MAP2K6: variants seen among roughly 807,000 people sequenced by gnomAD.
MAP2K6 encodes dual specificity mitogen-activated protein kinase kinase 6.
Under a neutral mutation model 53.7 loss-of-function variants are expected in MAP2K6, and 16 were observed. The ratio of observed to expected loss-of-function variants is 0.30; its 90% CI spans 0.20 to 0.45. MAP2K6 has a LOEUF of 0.45. Ranked by LOEUF, MAP2K6 falls within the 20% of genes least tolerant of loss-of-function variation. MAP2K6 has a pLI of 1.00. For synonymous variants in MAP2K6, 132 were observed against 143.1 expected (o/e 0.92, Z 0.55); for missense variants, 204 against 411.9 (o/e 0.50, Z 4.37).
At position 69,549,454 on chromosome 17, in the gene MAP2K6, A is replaced by G. The variant is rs17223089; in HGVS notation, c.*7701A>G. 32,406 of 152,084 alleles carry G rather than the reference A, an allele frequency of 0.21. 4,144 individuals are homozygous for G. The highest frequency in any genetic ancestry group is 0.36 in the African/African-American group (14,774 of 41,422). 9.4% of individuals were successfully genotyped at this position (152,084 alleles called of 1,614,324 possible). ...AAAGTCTTTTCTGTTTTCCTTTGCT[A>G]CAATTTGCTTGTTATTTCTCTGCCG... is the stretch of plus-strand genomic sequence containing the variant. On this transcript the variant is annotated 3_prime_UTR_variant, in exon 12 of 12. Coordinates refer to ENST00000590474, the MANE Select transcript of MAP2K6 (RefSeq NM_002758.4).
intron 1 of MAP2K6, among the ~76,000 whole-genome samples, chr17:69,432,585 T>C (rs1432614805): frequency 2.8e-5 from 4 of 143,138 alleles, no homozygotes; most frequent in Non-Finnish European, 6.0e-5. Context: ...TTCTCACTTA[T>C]AAGTGGGAGC....
chr17:69,491,319 T>C (rs962112496), intron 1 of MAP2K6, among the ~76,000 whole-genome samples: 3 of 152,126 alleles, frequency 2.0e-5, no homozygotes, highest in African/African-American at 7.2e-5. Flanking sequence ...AATTTTTGTA[T>C]TTTTAGTAGA....
At chr17:69,501,594 T>C (rs1909177404) in intron 1 of MAP2K6, 2 of 152,210 alleles carry the variant, frequency 1.3e-5, no homozygotes, top group East Asian at 3.8e-4. Context: ...TGCAAATATA[T>C]GTGTGTGGTG....
chr17:69,518,335 C>T (rs1028721559), intron 4 of MAP2K6, among the ~76,000 whole-genome samples: 2 of 152,088 alleles, frequency 1.3e-5, no homozygotes, highest in African/African-American at 2.4e-5. Context: ...TGAAAGTTTA[C>T]GTATTGCATT....
intron 1 of MAP2K6, among the ~76,000 whole-genome samples, chr17:69,481,517 A>G (rs1025924063): frequency 6.6e-6 from 1 of 152,202 alleles, no homozygotes; most frequent in Non-Finnish European, 1.5e-5. Flanking sequence ...TAGGGCTGTC[A>G]TAACAGAGTC....
At chr17:69,478,194 C>T (rs1490091233) in intron 1 of MAP2K6, among the ~76,000 whole-genome samples, 1 of 152,214 alleles carries the variant, frequency 6.6e-6, no homozygotes, top group Admixed American at 6.5e-5. Flanking sequence ...ACTTGGTAGG[C>T]AGCCTAGAAG....
chr17:69,433,998 A>G (rs1906558598), intron 1 of MAP2K6: 2 of 152,220 alleles, frequency 1.3e-5, no homozygotes, highest in Admixed American at 1.3e-4. Flanking sequence ...GGTTTCTTCC[A>G]GCAGCTAGAT....
chr17:69,537,111 ACT>A (rs1455962358), intron 11 of MAP2K6, among the ~76,000 whole-genome samples: 1 of 140,446 alleles, frequency 7.1e-6, no homozygotes, highest in Middle Eastern at 3.7e-3. Context: ...AACAAACAAA[ACT>A]CTGGTAACTA....
At chr17:69,522,574 A>G (rs1259527036) in intron 7 of MAP2K6, among the ~76,000 whole-genome samples, 1 of 152,196 alleles carries the variant, frequency 6.6e-6, no homozygotes, top group East Asian at 1.9e-4. Flanking sequence ...ATCCAGAGAT[A>G]ATCGTAGTTC....
intron 1 of MAP2K6, among the ~76,000 whole-genome samples, chr17:69,488,295 A>G (rs1040836027): frequency 6.6e-6 from 1 of 152,196 alleles, no homozygotes; most frequent in Admixed American, 6.5e-5. Context: ...GGCTGTAGAG[A>G]AGAAGAAATG....
At chr17:69,485,715 C>T (rs1264813050) in intron 1 of MAP2K6, among the ~76,000 whole-genome samples, 1 of 152,126 alleles carries the variant, frequency 6.6e-6, no homozygotes, top group Non-Finnish European at 1.5e-5. Flanking sequence ...TCCTTCACTC[C>T]TGTCTCTGAG....
chr17:69,520,493 C>A, intron 6 of MAP2K6, 107 bp downstream of exon 6: 1 of 688,344 alleles, frequency 1.5e-6, no homozygotes, highest in South Asian at 1.8e-5. Flanking sequence ...AGCTACTATT[C>A]GTACATGTCT....
intron 8 of MAP2K6, among the ~76,000 whole-genome samples, 187 bp from the exon 9 acceptor site, chr17:69,524,714 A>G (rs1910669956): frequency 6.6e-6 from 1 of 152,208 alleles, no homozygotes; most frequent in Non-Finnish European, 1.5e-5. Flanking sequence ...AACACAGAAG[A>G]AGGGAAACCC....
intron 2 of MAP2K6, among the ~76,000 whole-genome samples, chr17:69,512,857 G>A (rs563980830): frequency 1.3e-5 from 2 of 152,266 alleles, no homozygotes; most frequent in East Asian, 3.9e-4. Context: ...TCAATGAATA[G>A]TGATTGCGAT....
At chr17:69,418,830 C>T (rs1213979359) in intron 1 of MAP2K6, among the ~76,000 whole-genome samples, 1 of 151,952 alleles carries the variant, frequency 6.6e-6, no homozygotes, top group East Asian at 1.9e-4. Flanking sequence ...TTCTTCTTCA[C>T]TCTCCATTCT....
chr17:69,538,830 A>T (rs558133058), intron 11 of MAP2K6, among the ~76,000 whole-genome samples: 1 of 152,302 alleles, frequency 6.6e-6, no homozygotes, highest in South Asian at 2.1e-4. Flanking sequence ...ATTTCTGTAA[A>T]GGACTAAATA....
At chr17:69,446,780 C>G (rs1457192755) in intron 1 of MAP2K6, among the ~76,000 whole-genome samples, 1 of 152,084 alleles carries the variant, frequency 6.6e-6, no homozygotes, top group East Asian at 1.9e-4. Flanking sequence ...AACGCCTCCT[C>G]CACCCTTTTA....
At position 69,439,935 on chromosome 17, in the gene MAP2K6, C is replaced by T. The variant is rs75440596; in HGVS notation, c.16+24935C>T. On this transcript the variant is annotated intron_variant, in intron 1 of 11. Coordinates refer to ENST00000590474, the MANE Select transcript of MAP2K6 (RefSeq NM_002758.4). ...TCATTTAAATTTCATAATAGTTTTA[C>T]GAAGTTGCTACTATTATTACCATTA... Among the ~76,000 whole-genome samples the T allele has an allele frequency of 0.01, 1,594 of 152,190 alleles. 63 individuals carry two copies. The East Asian group carries it at 0.11, about 10-fold the overall frequency.
At chr17:69,452,340 T>C (rs1907258975) in intron 1 of MAP2K6, among the ~76,000 whole-genome samples, 1 of 151,904 alleles carries the variant, frequency 6.6e-6, no homozygotes, top group Admixed American at 6.6e-5. Context: ...ATATTAGGAG[T>C]AAGGGAAAGG....
Sources: allele counts gnomAD v4.1 joint callset (sites outside exome capture counted in the v4.1 genomes callset), GRCh38; gene constraint gnomAD v4.1.1; transcripts MANE v1.5; gene names NCBI Gene and HGNC (gene_info 2026-07-23, HGNC 2026-07-21).